The following ARHGAP6 variants were observed in gnomAD, a reference collection of about 807,000 sequenced individuals.
ARHGAP6 encodes the protein Rho GTPase activating protein 6.
ARHGAP6 carries 16 observed loss-of-function variants against 55.7 expected under a neutral mutation model. That is an observed-to-expected ratio of 0.29 (90% confidence interval 0.19 to 0.44). The LOEUF (loss-of-function observed/expected upper bound fraction) is 0.44. ARHGAP6 is among the 20% of genes least tolerant of loss of function. The pLI is 1.00. For missense variants in ARHGAP6, 698 were observed against 808.9 expected, an observed-to-expected ratio of 0.86 and a Z score of 1.66; for synonymous variants, 382 against 360.9, an observed-to-expected ratio of 1.06 and a Z score of -0.66.
At chrX:11,314,208 A>G (rs1220481076) in intron 1 of ARHGAP6, among the ~76,000 whole-genome samples, 1 of 112,075 alleles carries the variant, frequency 8.9e-6, no homozygotes, top group Non-Finnish European at 1.9e-5. Flanking sequence ...GAGTATTTAC[A>G]TCATTACTTT....
At chrX:11,509,929 C>T (rs2050769080) in intron 1 of ARHGAP6, among the ~76,000 whole-genome samples, 1 of 111,904 alleles carries the variant, frequency 8.9e-6, no homozygotes, top group Non-Finnish European at 1.9e-5. Flanking sequence ...CTCCTCTCAC[C>T]TCCCTGTGTT....
intron 1 of ARHGAP6, among the ~76,000 whole-genome samples, chrX:11,584,871 G>A (rs1235330058): frequency 1.8e-5 from 2 of 111,638 alleles, no homozygotes; most frequent in Non-Finnish European, 3.8e-5. Flanking sequence ...GGTTACATGT[G>A]CAAGTTCATT....
Position 11,493,890 on chromosome X carries a change from A to G in ARHGAP6, c.588+170351T>C, listed in dbSNP as rs757588483. Among the ~76,000 whole-genome samples the G allele has an allele frequency of 3.9e-5, 4 of 102,429 alleles. No individual in the cohort carries two copies. The South Asian group carries it at 1.4e-3, about 37-fold the overall frequency. 88.9% of individuals were successfully genotyped at this position (102,429 alleles called of 115,157 possible). A position where few individuals can be genotyped will look rare whatever the true frequency, so the allele number is the denominator to read the frequency against. ...GCTCTGTCACCCAGGCTGGAGTATA[A>G]TAGCAGGATCATAGCTCACTGCAGC... On this transcript the variant is annotated intron_variant, in intron 1 of 12. Transcript: ENST00000337414.
intron 1 of ARHGAP6, among the ~76,000 whole-genome samples, chrX:11,400,619 TAC>T (rs1475221811): frequency 1.8e-5 from 2 of 110,435 alleles, no homozygotes; most frequent in Non-Finnish European, 3.8e-5. Flanking sequence ...AGCTGTGGCT[TAC>T]CAATTTCTCT....
intron 1 of ARHGAP6, among the ~76,000 whole-genome samples, chrX:11,466,996 C>G (rs2050299939): frequency 8.9e-6 from 1 of 112,329 alleles, no homozygotes; most frequent in Non-Finnish European, 1.9e-5. Flanking sequence ...AAGAACATTG[C>G]AGCCCTACAG....
intron 1 of ARHGAP6, among the ~76,000 whole-genome samples, chrX:11,516,460 C>T (rs2050841688): frequency 1.8e-5 from 2 of 112,113 alleles, no homozygotes; most frequent in African/African-American, 6.5e-5. Flanking sequence ...TTTTGAGATG[C>T]ATCCTTTTTC....
At chrX:11,339,886 C>T (rs1358665618) in intron 1 of ARHGAP6, among the ~76,000 whole-genome samples, 1 of 112,178 alleles carries the variant, frequency 8.9e-6, no homozygotes, top group Non-Finnish European at 1.9e-5. Context: ...ATCACCCACC[C>T]AGTTGCTCAA....
intron 1 of ARHGAP6, among the ~76,000 whole-genome samples, chrX:11,299,533 A>T (rs2048142479): frequency 8.9e-6 from 1 of 112,187 alleles, no homozygotes; most frequent in South Asian, 3.7e-4. Flanking sequence ...CCTTTTCTGT[A>T]CTGGGGTTCT....
At chrX:11,540,855 G>C (rs1354391358) in intron 1 of ARHGAP6, among the ~76,000 whole-genome samples, 1 of 112,312 alleles carries the variant, frequency 8.9e-6, no homozygotes, top group Non-Finnish European at 1.9e-5. Flanking sequence ...CGGCATGGAA[G>C]TCATCTGTTA....
At chrX:11,553,525 G>T (rs1054352016) in intron 1 of ARHGAP6, among the ~76,000 whole-genome samples, 1 of 112,076 alleles carries the variant, frequency 8.9e-6, no homozygotes, top group Non-Finnish European at 1.9e-5. Flanking sequence ...TTACAGGCAT[G>T]AGTGCTTGCA....
chrX:11,318,647 T>C (rs1370886067), intron 1 of ARHGAP6: 2 of 113,034 alleles, frequency 1.8e-5, no homozygotes, highest in Non-Finnish European at 1.9e-5. Context: ...TTTTTGCCAT[T>C]ACTTTCCATG....
chrX:11,171,162 A>G (rs1217742430), intron 8 of ARHGAP6, among the ~76,000 whole-genome samples: 1 of 111,466 alleles, frequency 9.0e-6, no homozygotes, highest in Non-Finnish European at 1.9e-5. Context: ...TGCTTGAAGC[A>G]TAAAAAATTA....
At chrX:11,369,166 TTTTGTTTGTTTG>T (rs753815332) in intron 1 of ARHGAP6, among the ~76,000 whole-genome samples, 1 of 111,277 alleles carries the variant, frequency 9.0e-6, no homozygotes, top group African/African-American at 3.3e-5. Flanking sequence ...GTGGTAGGTT[TTTTGTTTGTTTG>T]TTTGTTTGTT....
intron 9 of ARHGAP6, among the ~76,000 whole-genome samples, chrX:11,167,955 C>CACAA (rs1053759266): frequency 2.7e-5 from 3 of 112,016 alleles, no homozygotes; most frequent in Admixed American, 9.4e-5. Flanking sequence ...GCTTCAGAGA[C>CACAA]ACAAACAGGA....
intron 1 of ARHGAP6, among the ~76,000 whole-genome samples, chrX:11,282,120 G>A (rs535609009): frequency 4.1e-4 from 46 of 112,112 alleles, no homozygotes; most frequent in Admixed American, 1.2e-3. Context: ...CACAAAGAAT[G>A]TGTCTACAAA....
intron 1 of ARHGAP6, among the ~76,000 whole-genome samples, chrX:11,487,900 T>C (rs2050527524): frequency 1.8e-5 from 2 of 112,314 alleles, no homozygotes; most frequent in African/African-American, 6.5e-5. Flanking sequence ...ATAATTAATT[T>C]AGCCAAGAAA....
chrX:11,540,021 C>T (rs1161663285), intron 1 of ARHGAP6, among the ~76,000 whole-genome samples: 3 of 110,267 alleles, frequency 2.7e-5, no homozygotes, highest in East Asian at 2.8e-4. Flanking sequence ...TTAGGGAGGC[C>T]GAGGTAGGCG....
chrX:11,509,117 T>C (rs1050817768), intron 1 of ARHGAP6, among the ~76,000 whole-genome samples: 21 of 111,832 alleles, frequency 1.9e-4, no homozygotes, highest in African/African-American at 6.8e-4. Flanking sequence ...TTGATCATAA[T>C]CCCATGAGAA....
At chrX:11,520,076 A>G (rs1416021548) in intron 1 of ARHGAP6, among the ~76,000 whole-genome samples, 4 of 88,427 alleles carry the variant, frequency 4.5e-5, no homozygotes, top group African/African-American at 1.7e-4. Flanking sequence ...GAAAATTTTC[A>G]CAACCTTCTC....
Sources: gnomAD v4.1 joint callset for allele counts (sites outside exome capture counted in the v4.1 genomes callset) on GRCh38, gnomAD v4.1.1 for gene constraint, MANE v1.5 for transcripts, NCBI Gene and HGNC (gene_info 2026-07-23, HGNC 2026-07-21) for gene names.